PCNX2: variants seen among roughly 807,000 people sequenced by gnomAD.
The protein encoded by PCNX2 is pecanex-like protein 2.
Under a neutral mutation model 223.8 loss-of-function variants are expected in PCNX2, and 168 were observed. The observed-to-expected ratio is 0.75, with a 90% CI of 0.66 to 0.85. PCNX2 has a LOEUF of 0.85. Among genes scored for constraint, PCNX2 ranks in the 40% least tolerant of loss-of-function variants. The pLI, the probability that PCNX2 is intolerant of heterozygous loss-of-function variation, is 0.00. For synonymous variants in PCNX2, 1,006 were observed against 1,052.6 expected, an observed-to-expected ratio of 0.96 and a Z score of 0.86; for missense variants, 2,507 against 2,675.5, an observed-to-expected ratio of 0.94 and a Z score of 1.39.
At chr1:233,263,266 C>G (rs1660156394) in intron 1 of PCNX2, 103 bp from the exon 2 acceptor site, 4 of 960,244 alleles carry the variant, frequency 4.2e-6, no homozygotes, top group Non-Finnish European at 4.4e-6. Context: ...ATAAATTAGG[C>G]AAGATTTCAA....
At chr1:233,290,647 G>T in intron 1 of PCNX2, 1 of 703,420 alleles carries the variant, frequency 1.4e-6, no homozygotes, top group South Asian at 6.4e-5. Context: ...AGAATGTGTT[G>T]GGTGCTTACT....
intron 32 of PCNX2, among the ~76,000 whole-genome samples, chr1:232,997,115 A>G (rs1669903789): frequency 6.6e-6 from 1 of 151,818 alleles, no homozygotes; most frequent in Non-Finnish European, 1.5e-5. Flanking sequence ...TTTTTCCCCT[A>G]TTGCCCATTC....
chr1:233,198,147 T>C (rs75118961), intron 15 of PCNX2, among the ~76,000 whole-genome samples: 8,629 of 152,250 alleles, frequency 0.057, 753 homozygotes, highest in African/African-American at 0.19. Context: ...GACTCAGCTA[T>C]TTCTTCTCCA....
At chr1:233,231,708 T>C in intron 9 of PCNX2, 3 of 973,008 alleles carry the variant, frequency 3.1e-6, no homozygotes, top group Non-Finnish European at 3.7e-6. Context: ...TACGTGTAAC[T>C]CCTAACAGCT....
chr1:233,239,030 ACT>A (rs949323448), intron 8 of PCNX2, among the ~76,000 whole-genome samples: 9 of 152,168 alleles, frequency 5.9e-5, no homozygotes, highest in South Asian at 4.1e-4. Flanking sequence ...GAGTAATGTA[ACT>A]CTGTCATTTC....
At chr1:233,222,978 A>G (rs1657479593) in intron 10 of PCNX2, among the ~76,000 whole-genome samples, 1 of 152,210 alleles carries the variant, frequency 6.6e-6, no homozygotes, top group Non-Finnish European at 1.5e-5. Flanking sequence ...CTGGCATATT[A>G]AAAGCCATGA....
intron 17 of PCNX2, among the ~76,000 whole-genome samples, chr1:233,163,332 C>T (rs1451848754): frequency 6.6e-6 from 1 of 151,540 alleles, no homozygotes; most frequent in African/African-American, 2.4e-5. Flanking sequence ...TACTAAAATA[C>T]AAAAATTAGC....
Position 233,001,563 on chromosome 1 carries a change from T to C in PCNX2, c.5071A>G (p.Ile1691Val), listed in dbSNP as rs1446744629. ...DLLHKVVAPA[I>V]RMSLKLHQDQ... ...TGGTGAAGTTTCAGGGACATCCTGATAGCTGGAGCTACAACTTTATGCAGT... is the reference window on the plus strand; with the variant it reads ...TGGTGAAGTTTCAGGGACATCCTGACAGCTGGAGCTACAACTTTATGCAGT... The change falls in exon 29 of 34, where the codon ATC becomes GTC. Residue 1691 changes from isoleucine (I) to valine (V), a missense_variant. Physicochemically the swap from Ile to Val is conservative, Grantham distance 29 (BLOSUM62 3). This residue lies in a region of PCNX2 where 1,372 missense variants were observed against 1,509.4 expected (regional missense o/e 0.91). Transcript: ENST00000258229. The surrounding 1 kb of genome is among the most constrained non-coding windows in gnomAD (Gnocchi z 4.2). The C allele has an allele frequency of 6.8e-7, 1 of 1,478,846 alleles. No homozygotes were observed. The highest frequency in any genetic ancestry group is 2.0e-5 in the Admixed American group (1 of 49,086). The allele number at this position is 1,478,846 out of a possible 1,614,324, so 91.6% of individuals were successfully genotyped here.
chr1:233,025,428 T>A lies in PCNX2; in HGVS notation c.4352-29A>T, dbSNP rs1671050370. The A allele has an allele frequency of 1.9e-6, 3 of 1,609,790 alleles. No individual in the cohort carries two copies. The African/African-American group carries it at 4.0e-5, about 21-fold the overall frequency. On this transcript the variant is annotated intron_variant, in intron 25 of 33. Transcript: ENST00000258229. Reference sequence around the variant, plus strand: ...GCCGAGCACAAACATGAAGGAAGTTTGAAGAGAAGGCATGCTAGAATGTTT... The same window carrying A: ...GCCGAGCACAAACATGAAGGAAGTTAGAAGAGAAGGCATGCTAGAATGTTT...
chr1:233,106,227 TCTAA>T (rs1674764665), intron 21 of PCNX2, among the ~76,000 whole-genome samples: 1 of 152,172 alleles, frequency 6.6e-6, no homozygotes, highest in Admixed American at 6.5e-5. Context: ...TTAGCCTTCC[TCTAA>T]CTATTCCATA....
chr1:233,093,778 G>A (rs79553643), intron 22 of PCNX2, among the ~76,000 whole-genome samples: 1,598 of 152,216 alleles, frequency 0.01, 26 homozygotes, highest in African/African-American at 0.037. Flanking sequence ...ACAGGGCCAG[G>A]CTTAGGAACA....
intron 26 of PCNX2, among the ~76,000 whole-genome samples, chr1:233,023,875 A>G (rs767967236): frequency 6.6e-6 from 1 of 152,320 alleles, no homozygotes; most frequent in East Asian, 1.9e-4. Context: ...AGAGCTATTT[A>G]TCCTTCTGAC....
chr1:233,160,447 G>C lies in PCNX2; in HGVS notation c.3367-14C>G, dbSNP rs1421456670. 1.2e-6 allele frequency: 2 copies of C among 1,611,934 alleles called. No individual in the cohort carries two copies. Among genetic ancestry groups the C allele is most frequent in the African/African-American group, 2.7e-5 (2 of 74,886 alleles). On this transcript the variant is annotated splice_polypyrimidine_tract_variant and intron_variant, in intron 18 of 33. Transcript: ENST00000258229. Reference sequence around the variant, plus strand: ...GCTGAGAAATGGCTGCGATAAAAATGGGCAGAATCTCATTACTTAGCCTAG... The same window carrying C: ...GCTGAGAAATGGCTGCGATAAAAATCGGCAGAATCTCATTACTTAGCCTAG...
At chr1:233,072,187 C>T (rs1672887063) in intron 23 of PCNX2, among the ~76,000 whole-genome samples, 1 of 152,178 alleles carries the variant, frequency 6.6e-6, no homozygotes, top group Admixed American at 6.5e-5. Flanking sequence ...GTTGCAATTG[C>T]TTTTGATGTC....
intron 10 of PCNX2, among the ~76,000 whole-genome samples, chr1:233,225,113 A>T (rs75605454): frequency 2.8e-5 from 4 of 140,652 alleles, no homozygotes; most frequent in African/African-American, 5.7e-5. Context: ...ACTAAAGTAA[A>T]AAAAAAAAAA....
At chr1:233,227,406 G>T in intron 9 of PCNX2, 35 bp from the exon 10 acceptor site, 1 of 1,592,612 alleles carries the variant, frequency 6.3e-7, no homozygotes, top group Non-Finnish European at 8.5e-7. Flanking sequence ...AGAAAAAAGG[G>T]CTTTATGTTG....
At chr1:233,023,790 C>T (rs1670986873) in intron 26 of PCNX2, among the ~76,000 whole-genome samples, 1 of 152,246 alleles carries the variant, frequency 6.6e-6, no homozygotes, top group Admixed American at 6.5e-5. Flanking sequence ...ACGGCTAAAT[C>T]TGTTGTAAAC....
At chr1:233,216,255 T>C (rs1572092767) in intron 12 of PCNX2, among the ~76,000 whole-genome samples, 2 of 152,068 alleles carry the variant, frequency 1.3e-5, no homozygotes. Context: ...TAGGCCACCA[T>C]GGATGAGCAA....
chr1:233,307,156 C>A, the PCNX2 span, among the ~76,000 whole-genome samples: 2 of 152,298 alleles, frequency 1.3e-5, no homozygotes, highest in South Asian at 4.1e-4. Flanking sequence ...ACAAAATCCT[C>A]TGTGAAAGAT....
Sources: gnomAD v4.1 joint callset for allele counts (sites outside exome capture counted in the v4.1 genomes callset) on GRCh38, gnomAD v4.1.1 for gene constraint, gnomAD v4.1.1 regional missense constraint, Gnocchi (gnomAD v3.1) non-coding constraint, MANE v1.5 for transcripts, NCBI Gene and HGNC (gene_info 2026-07-23, HGNC 2026-07-21) for gene names.